PTPRD: variants seen among roughly 807,000 people sequenced by gnomAD.
PTPRD encodes protein tyrosine phosphatase receptor type D.
PTPRD carries 34 observed loss-of-function variants against 214.5 expected under a neutral mutation model. That is an observed-to-expected ratio of 0.16 (90% CI 0.12 to 0.21). PTPRD has a LOEUF of 0.21. Ranked by LOEUF, PTPRD falls within the 10% of genes least tolerant of loss-of-function variation. The probability of loss-of-function intolerance (pLI) is 1.00; values close to 1 mark genes in which losing one functional copy is unlikely to be tolerated. For missense variants in PTPRD, 2,545 were observed against 2,398.7 expected (o/e 1.06, Z -1.27); for synonymous variants, 1,128 against 845.7 (o/e 1.33, Z -5.79).
intron 4 of PTPRD, among the ~76,000 whole-genome samples, chr9:10,014,736 A>T (rs1353914825): frequency 2.0e-5 from 3 of 152,024 alleles, no homozygotes; most frequent in African/African-American, 7.2e-5. Context: ...CATATTTTTA[A>T]TTATCCATTA....
chr9:8,421,614 A>C (rs1207416779), intron 35 of PTPRD, among the ~76,000 whole-genome samples: 1 of 152,106 alleles, frequency 6.6e-6, no homozygotes, highest in Non-Finnish European at 1.5e-5. Context: ...GTATCACCCT[A>C]ATCTTGGCCT....
chr9:10,448,967 A>C (rs1271406289), intron 2 of PTPRD, among the ~76,000 whole-genome samples: 1 of 151,972 alleles, frequency 6.6e-6, no homozygotes, highest in Admixed American at 6.5e-5. Flanking sequence ...GCAGTTATTC[A>C]TATCTTTGAA....
intron 3 of PTPRD, among the ~76,000 whole-genome samples, chr9:10,309,846 G>A (rs1380002406): frequency 6.6e-6 from 1 of 152,034 alleles, no homozygotes; most frequent in Non-Finnish European, 1.5e-5. Context: ...GCACAATTTT[G>A]CAGGCTACGC....
At chr9:8,769,262 C>T (rs1010546318) in intron 11 of PTPRD, among the ~76,000 whole-genome samples, 14 of 152,150 alleles carry the variant, frequency 9.2e-5, no homozygotes, top group African/African-American at 3.4e-4. Context: ...TCTTTATTTA[C>T]TCACTCACTA....
At chr9:9,514,837 T>G (rs2096795399) in intron 8 of PTPRD, among the ~76,000 whole-genome samples, 1 of 152,066 alleles carries the variant, frequency 6.6e-6, no homozygotes. Flanking sequence ...AAGCCTACTC[T>G]GGAAATAGCT....
chr9:9,363,178 TG>T (rs2056810367), intron 9 of PTPRD, among the ~76,000 whole-genome samples: 2 of 150,188 alleles, frequency 1.3e-5, no homozygotes, highest in Non-Finnish European at 3.0e-5. Flanking sequence ...TATCTTTTTT[TG>T]GTTGTTTCTT....
At chr9:9,798,479 GT>G (rs2099018202) in intron 5 of PTPRD, among the ~76,000 whole-genome samples, 1 of 152,180 alleles carries the variant, frequency 6.6e-6, no homozygotes, top group Non-Finnish European at 1.5e-5. Context: ...GTGTCCTTGT[GT>G]CTTCAGACAT....
chr9:9,352,466 G>A (rs994822272), intron 9 of PTPRD, among the ~76,000 whole-genome samples: 2 of 150,944 alleles, frequency 1.3e-5, no homozygotes, highest in African/African-American at 4.9e-5. Context: ...TTTTTCTCCT[G>A]GAAATTACAA....
chr9:9,567,867 G>A (rs10977847), intron 8 of PTPRD, among the ~76,000 whole-genome samples: 44 of 151,992 alleles, frequency 2.9e-4, no homozygotes, highest in African/African-American at 9.9e-4. Context: ...GATGTGAAAA[G>A]GTATTTGCTG....
chr9:10,140,111 T>C (rs2098973114), intron 3 of PTPRD, among the ~76,000 whole-genome samples: 1 of 152,002 alleles, frequency 6.6e-6, no homozygotes. Context: ...TGACAATCTG[T>C]GCTCAGACAA....
At chr9:9,036,041 C>T (rs929597135) in intron 10 of PTPRD, among the ~76,000 whole-genome samples, 2 of 151,984 alleles carry the variant, frequency 1.3e-5, no homozygotes, top group African/African-American at 2.4e-5. Flanking sequence ...TTTGAAACTT[C>T]ACTAGGTTAT....
intron 9 of PTPRD, among the ~76,000 whole-genome samples, chr9:9,361,587 T>C (rs2056175644): frequency 6.6e-6 from 1 of 151,002 alleles, no homozygotes; most frequent in African/African-American, 2.4e-5. Context: ...TTTATAAAGA[T>C]CAAATCAGTG....
chr9:9,895,869 G>A (rs1329671204), intron 5 of PTPRD, among the ~76,000 whole-genome samples: 3 of 151,882 alleles, frequency 2.0e-5, no homozygotes, highest in South Asian at 2.1e-4. Context: ...CTTAAAAATC[G>A]AGTCTATCAC....
At position 8,970,926 on chromosome 9, in the gene PTPRD, C is replaced by CAAA. The variant is rs768967412; in HGVS notation, c.-104+47768_-104+47770dup. Among the ~76,000 whole-genome samples the CAAA allele has an allele frequency of 5.0e-3, 762 of 151,110 alleles. 47 individuals carry two copies. In the South Asian group the frequency reaches 0.11, roughly 23 times the overall value. Reference sequence around the variant, plus strand: ...AAAACAAAACAAAACAAAACAACAACAAAAACCAAACAAAAAACACAGAAT... The same window carrying CAAA: ...AAAACAAAACAAAACAAAACAACAACAAAAAAAACCAAACAAAAAACACAGAAT... On this transcript the variant is annotated intron_variant, in intron 11 of 45. Coordinates refer to ENST00000381196, the MANE Select transcript of PTPRD (RefSeq NM_002839.4).
chr9:9,594,329 G>C (rs765855643), intron 7 of PTPRD, among the ~76,000 whole-genome samples: 4 of 151,840 alleles, frequency 2.6e-5, no homozygotes, highest in African/African-American at 4.8e-5. Flanking sequence ...TTGGGTTCTT[G>C]GTCATGAAAT....
intron 36 of PTPRD, among the ~76,000 whole-genome samples, chr9:8,395,156 T>C (rs1216656619): frequency 1.3e-5 from 2 of 152,144 alleles, no homozygotes; most frequent in Non-Finnish European, 2.9e-5. Context: ...AAATTGCTTT[T>C]TGGCAAACAA....
intron 9 of PTPRD, among the ~76,000 whole-genome samples, chr9:9,356,486 A>G (rs1474263985): frequency 6.6e-6 from 1 of 151,496 alleles, no homozygotes; most frequent in Non-Finnish European, 1.5e-5. Context: ...GAGCATATTC[A>G]TTATGAATCA....
chr9:9,202,301 A>C (rs1033093765), intron 9 of PTPRD, among the ~76,000 whole-genome samples: 1 of 152,284 alleles, frequency 6.6e-6, no homozygotes, highest in African/African-American at 2.4e-5. Flanking sequence ...CGAAGTCCCT[A>C]TGCAAGATGG....
intron 3 of PTPRD, among the ~76,000 whole-genome samples, chr9:10,195,853 C>T (rs779064197): frequency 1.8e-4 from 28 of 152,216 alleles, no homozygotes; most frequent in Middle Eastern, 3.4e-3. Flanking sequence ...TATCTACCAA[C>T]ACGGATGAAT....
Sources: gnomAD v4.1 joint callset for allele counts (sites outside exome capture counted in the v4.1 genomes callset) on GRCh38, gnomAD v4.1.1 for gene constraint, MANE v1.5 for transcripts, NCBI Gene and HGNC (gene_info 2026-07-23, HGNC 2026-07-21) for gene names.